Variants in DUSP15 observed in about 807,000 individuals in gnomAD.
The protein encoded by DUSP15 is dual specificity protein phosphatase 15.
In DUSP15, 23 loss-of-function variants were observed where a neutral mutation model predicts 26.3. That is an observed-to-expected ratio of 0.87 (90% CI 0.63 to 1.24). The LOEUF is 1.24. Ranked by LOEUF, DUSP15 falls within the 50% of genes most tolerant of loss-of-function variation. The pLI is 0.00. For missense variants in DUSP15, 364 were observed against 320.6 expected (o/e 1.14, Z -1.03); for synonymous variants, 143 against 135.5 (o/e 1.06, Z -0.39).
intron 1 of DUSP15, 136 bp from the exon 2 acceptor site, chr20:31,869,733 C>T (rs1272383514): frequency 6.0e-6 from 9 of 1,508,316 alleles, no homozygotes; most frequent in South Asian, 5.1e-5. Context: ...ACTCTCTTCC[C>T]TTTTGTGGGC....
At chr20:31,847,668 G>T (rs2062391595) in exon 10 of DUSP15, 1 of 152,212 alleles carries the variant, frequency 6.6e-6, no homozygotes, top group Non-Finnish European at 1.5e-5. Context: ...TATTCCCATG[G>T]CAGGGTAACC....
intron 5 of DUSP15, among the ~76,000 whole-genome samples, chr20:31,863,092 C>T (rs923405461): frequency 4.6e-5 from 7 of 150,970 alleles, no homozygotes; most frequent in Non-Finnish European, 8.8e-5. Flanking sequence ...GGGGGACAGA[C>T]GTTGATCAGA....
chr20:31,861,523 G>A lies in DUSP15; in HGVS notation c.588C>T (p.Thr196=), dbSNP rs373570132. 2 of 1,519,228 alleles carry A rather than the reference G, an allele frequency of 1.3e-6. No homozygotes were observed. The highest frequency in any genetic ancestry group is 1.8e-6 in the Non-Finnish European group (2 of 1,141,642). The allele number at this position is 1,519,228 out of a possible 1,614,324, so 94.1% of individuals were successfully genotyped here. A position where few individuals can be genotyped will look rare whatever the true frequency, so the allele number is the denominator to read the frequency against. Residue 196 remains threonine, a synonymous_variant, in exon 7 of 7, where the codon ACC becomes ACT. Coordinates refer to ENST00000339738, the MANE Select transcript of DUSP15 (RefSeq NM_080611.5). Reference sequence around the variant, plus strand: ...GCGTGCGCGGCACCAGGCGCTGCACGGTTCCCTCGGAGGCTGCTGAGTGCG... The same window carrying A: ...GCGTGCGCGGCACCAGGCGCTGCACAGTTCCCTCGGAGGCTGCTGAGTGCG... ...AGPHSAASEG[T]VQRLVPRTPR...
chr20:31,849,757 C>A, exon 8 of DUSP15: 1 of 1,540,370 alleles, frequency 6.5e-7, no homozygotes, highest in Non-Finnish European at 8.7e-7. Context: ...CGTGAGGTGG[C>A]GGCCCCAGCA....
rs531718110 is a variant in DUSP15 at position 31,861,646 on chromosome 20, G to T, written c.465C>A (p.Gly155=). 292 of 1,293,400 alleles carry T rather than the reference G, an allele frequency of 2.3e-4. 2 individuals carry two copies. The highest frequency in any genetic ancestry group is 2.5e-4 in the Non-Finnish European group (248 of 1,006,496). The allele number at this position is 1,293,400 out of a possible 1,614,324, so 80.1% of individuals were successfully genotyped here. A position where few individuals can be genotyped will look rare whatever the true frequency, so the allele number is the denominator to read the frequency against. ...KLRRQLEERF[G]ESPFRDEEEL... ...CCTCCTCGTCGCGGAAGGGGCTCTC[G>T]CCGAAGCGCTCCTCCAGCTGCCGGC... Residue 155 remains glycine (G), a synonymous_variant, in exon 7 of 7, where the codon GGC becomes GGA. Transcript: ENST00000339738.
chr20:31,868,836 G>C (rs2062836140), intron 2 of DUSP15, among the ~76,000 whole-genome samples: 1 of 152,140 alleles, frequency 6.6e-6, no homozygotes, highest in Admixed American at 6.5e-5. Context: ...GTTCAGCTCT[G>C]CCTGCCTGCC....
chr20:31,863,748 G>A (rs570853949), intron 5 of DUSP15, 159 bp downstream of exon 5: 27 of 658,130 alleles, frequency 4.1e-5, no homozygotes, highest in South Asian at 1.3e-4. Context: ...ATAGAGTCCC[G>A]GGTTGGCCTC....
intron 6 of DUSP15, among the ~76,000 whole-genome samples, chr20:31,855,591 G>T (rs1213448169): frequency 6.6e-6 from 1 of 152,204 alleles, no homozygotes; most frequent in Non-Finnish European, 1.5e-5. Context: ...ATGGGTCAGA[G>T]CAGCCAAAAG....
chr20:31,867,631 G>GTTTTGTTTTTTTTTTTTTTTTTT (rs2062797175), intron 2 of DUSP15, among the ~76,000 whole-genome samples: 1 of 77,652 alleles, frequency 1.3e-5, no homozygotes, highest in African/African-American at 5.5e-5. Flanking sequence ...TGCCCACAAT[G>GTTTTGTTTTTTTTTTTTTTTTTT]TTTTTTTTTT....
At chr20:31,867,637 T>TG (rs1555795797) in intron 2 of DUSP15, among the ~76,000 whole-genome samples, 5 of 28,050 alleles carry the variant, frequency 1.8e-4, no homozygotes, top group African/African-American at 6.6e-4. Flanking sequence ...CAATGTTTTT[T>TG]TTTTTTTTTT....
intron 9 of DUSP15, chr20:31,848,670 T>G: frequency 6.9e-7 from 1 of 1,457,290 alleles, no homozygotes; most frequent in East Asian, 2.5e-5. Flanking sequence ...TACCCCCATT[T>G]TCCAGGTAGG....
At position 31,869,994 on chromosome 20, in the gene DUSP15, C is replaced by T. The variant is rs1189316992; in HGVS notation, c.21+323G>A. On this transcript the variant is annotated intron_variant, in intron 1 of 6. Transcript: ENST00000339738. ...ATGGAGAAACAGCCCCGGAGAGAGCCGAGGAGTCAGCGACAAGGGAGAGGG... is the reference window on the plus strand; with the variant it reads ...ATGGAGAAACAGCCCCGGAGAGAGCTGAGGAGTCAGCGACAAGGGAGAGGG... 14 of 1,329,464 alleles carry T rather than the reference C, an allele frequency of 1.1e-5. 1 individual carries two copies. In the East Asian group the frequency reaches 1.7e-4, roughly 16 times the overall value. The allele number at this position is 1,329,464 out of a possible 1,614,324, so 82.4% of individuals were successfully genotyped here.
At chr20:31,847,496 T>C (rs2062389005), downstream of DUSP15, 1 of 152,248 alleles carries the variant, frequency 6.6e-6, no homozygotes, top group Admixed American at 6.5e-5. Context: ...GATTGATTTC[T>C]GTCCTTTATC....
chr20:31,869,518 G>A, intron 2 of DUSP15, 46 bp downstream of exon 2: 1 of 1,599,490 alleles, frequency 6.3e-7, no homozygotes, highest in Non-Finnish European at 8.5e-7. Flanking sequence ...ACAGGCCTGA[G>A]ACAGGCAGAG....
At position 31,861,479 on chromosome 20, in the gene DUSP15, G is replaced by T. The variant is rs1178616358; in HGVS notation, c.632C>A (p.Pro211Gln). 2 of 1,542,556 alleles carry T rather than the reference G, an allele frequency of 1.3e-6. No individual in the cohort carries two copies. ...CTTGACGCGCGCCAGCAGCGGCAGC[G>T]GCCGGTGGGCTTCCCGGGGCGTGCG... ...VPRTPREAHR[P>Q]LPLLARVKQT... The change falls in exon 7 of 7, where the codon CCG becomes CAG. Residue 211 changes from proline to glutamine, a missense_variant. Coordinates refer to ENST00000339738, the MANE Select transcript of DUSP15 (RefSeq NM_080611.5).
intron 6 of DUSP15, among the ~76,000 whole-genome samples, chr20:31,854,072 G>A (rs899072693): frequency 2.0e-5 from 3 of 152,212 alleles, no homozygotes; most frequent in African/African-American, 7.2e-5. Context: ...TTCAGGCAAG[G>A]CCAGTGTGGT....
chr20:31,861,236 G>A lies in DUSP15; in HGVS notation c.*167C>T. The A allele has an allele frequency of 7.3e-7, 1 of 1,365,284 alleles. No individual in the cohort carries two copies. Among genetic ancestry groups the A allele is most frequent in the South Asian group, 1.7e-5 (1 of 57,944 alleles). 84.6% of individuals were successfully genotyped at this position (1,365,284 alleles called of 1,614,324 possible). A position where few individuals can be genotyped will look rare whatever the true frequency, so the allele number is the denominator to read the frequency against. Reference sequence around the variant, plus strand: ...GCCCGGACACAGAGACGCACAGGTTGGGGACGCTGACTGCAGACGCGGACG... The same window carrying A: ...GCCCGGACACAGAGACGCACAGGTTAGGGACGCTGACTGCAGACGCGGACG... On this transcript the variant is annotated 3_prime_UTR_variant, in exon 7 of 7. Coordinates refer to ENST00000339738, the MANE Select transcript of DUSP15 (RefSeq NM_080611.5).
chr20:31,845,945 CAGAG>C (rs1568645927), downstream of DUSP15, among the ~76,000 whole-genome samples: 2 of 151,922 alleles, frequency 1.3e-5, no homozygotes, highest in South Asian at 4.2e-4. Flanking sequence ...GAGATAGAGA[CAGAG>C]AGAGGTAGAG....
chr20:31,867,243 C>T (rs2062788407), intron 2 of DUSP15, 90 bp from the exon 3 acceptor site: 1 of 1,160,558 alleles, frequency 8.6e-7, no homozygotes, highest in South Asian at 1.4e-5. Flanking sequence ...CCCAGCTCTC[C>T]CTCTCACCCC....
Sources: allele counts gnomAD v4.1 joint callset (sites outside exome capture counted in the v4.1 genomes callset), GRCh38; gene constraint gnomAD v4.1.1; transcripts MANE v1.5; gene names NCBI Gene and HGNC (gene_info 2026-07-23, HGNC 2026-07-21).